ATP10B: variants seen among roughly 807,000 people sequenced by gnomAD.
ATP10B encodes ATPase phospholipid transporting 10B (putative).
Under a neutral mutation model 141.2 loss-of-function variants are expected in ATP10B, and 122 were observed. The observed-to-expected ratio is 0.86, with a 90% CI of 0.75 to 1.00. The LOEUF (loss-of-function observed/expected upper bound fraction) is 1.00, where lower values mean the gene tolerates loss of function less well. Among genes scored for constraint, ATP10B ranks in the 50% least tolerant of loss-of-function variants. The probability of loss-of-function intolerance (pLI) is 0.00; values close to 1 mark genes in which losing one functional copy is unlikely to be tolerated. For synonymous variants in ATP10B, 685 were observed against 692.0 expected, an observed-to-expected ratio of 0.99 and a Z score of 0.16; for missense variants, 1,876 against 1,825.3, an observed-to-expected ratio of 1.03 and a Z score of -0.51.
intron 6 of ATP10B, 98 bp from the exon 7 acceptor site, chr5:160,670,765 C>A: frequency 9.5e-7 from 1 of 1,057,516 alleles, no homozygotes; most frequent in Non-Finnish European, 1.4e-6. Flanking sequence ...TAACTATCCA[C>A]CAAGTCAGCC....
At chr5:160,568,981 C>T (rs1293608871) in intron 25 of ATP10B, among the ~76,000 whole-genome samples, 1 of 152,156 alleles carries the variant, frequency 6.6e-6, no homozygotes, top group African/African-American at 2.4e-5. Flanking sequence ...CTGGCAATTT[C>T]ATGCACAATT....
At chr5:160,654,618 T>C (rs535804292) in intron 7 of ATP10B, among the ~76,000 whole-genome samples, 1 of 152,318 alleles carries the variant, frequency 6.6e-6, no homozygotes, top group Non-Finnish European at 1.5e-5. Flanking sequence ...GACATGCAGA[T>C]GGAGACTAAA....
rs910245952 is a variant in ATP10B at position 160,616,023 on chromosome 5, C to T, written c.2527-59G>A. The T allele has an allele frequency of 2.2e-5, 34 of 1,558,722 alleles. No homozygotes were observed. In the Admixed American group the frequency reaches 2.6e-4, roughly 12 times the overall value. ...GGGTGGACCAACAAGATAATTTCCT[C>T]TCTCTTCCCACCTGCTGGGTCTCCT... On this transcript the variant is annotated intron_variant, in intron 16 of 25. Coordinates refer to ENST00000327245, the MANE Select transcript of ATP10B (RefSeq NM_025153.3).
At chr5:160,914,750 G>A in the ATP10B span, among the ~76,000 whole-genome samples, 1 of 152,186 alleles carries the variant, frequency 6.6e-6, no homozygotes, top group Admixed American at 6.5e-5. Flanking sequence ...AGGGACAGAA[G>A]TTACCAACAT....
chr5:160,632,822 C>T (rs1759038129), intron 12 of ATP10B: 1 of 153,536 alleles, frequency 6.5e-6, no homozygotes, highest in African/African-American at 2.4e-5. Flanking sequence ...AATACTCTCT[C>T]CATCTTTCTC....
At chr5:160,878,628 C>T in the ATP10B span, among the ~76,000 whole-genome samples, 1 of 152,032 alleles carries the variant, frequency 6.6e-6, no homozygotes, top group Non-Finnish European at 1.5e-5. Context: ...ATTTTCACAA[C>T]CTACTCATCT....
At chr5:160,762,391 G>C (rs916558933) in intron 2 of ATP10B, among the ~76,000 whole-genome samples, 8 of 152,274 alleles carry the variant, frequency 5.3e-5, no homozygotes, top group Non-Finnish European at 8.8e-5. Context: ...AGCCAGAATG[G>C]ATTGGGGTCC....
At chr5:160,704,214 G>A (rs1326864721) in intron 3 of ATP10B, among the ~76,000 whole-genome samples, 1 of 151,396 alleles carries the variant, frequency 6.6e-6, no homozygotes, top group Non-Finnish European at 1.5e-5. Flanking sequence ...ACCATGCGTG[G>A]CTATTTTTTT....
At chr5:160,631,215 T>A (rs998801404) in intron 13 of ATP10B, among the ~76,000 whole-genome samples, 2 of 152,238 alleles carry the variant, frequency 1.3e-5, no homozygotes, top group Non-Finnish European at 2.9e-5. Flanking sequence ...TGTGGCCTCT[T>A]GTGCAAGTGC....
the ATP10B span, among the ~76,000 whole-genome samples, chr5:160,893,901 A>C: frequency 2.0e-5 from 3 of 152,208 alleles, no homozygotes; most frequent in African/African-American, 7.2e-5. Context: ...CCAGGCAAAC[A>C]GGGTCTGGAG....
At chr5:160,652,963 ATG>A (rs1265112305) in intron 7 of ATP10B, among the ~76,000 whole-genome samples, 2 of 86,598 alleles carry the variant, frequency 2.3e-5, no homozygotes, top group African/African-American at 5.7e-5. Context: ...TTATATATAC[ATG>A]TATATATAAT....
chr5:160,708,910 T>C lies in ATP10B; in HGVS notation c.-205+7999A>G, dbSNP rs184666582. On this transcript the variant is annotated intron_variant, in intron 3 of 25. Coordinates refer to ENST00000327245, the MANE Select transcript of ATP10B (RefSeq NM_025153.3). ...GAGACTGAGATTCAGACAGTGTATA[T>C]TGGCACCATGATAGCAAGCAGACAA... 2.4e-4 allele frequency among the ~76,000 whole-genome samples: 36 copies of C among 152,226 alleles called. 1 individual carries two copies. The highest frequency in any genetic ancestry group is 2.0e-3 in the Admixed American group (31 of 15,284).
chr5:160,787,105 GACACACAC>G (rs58517660), intron 1 of ATP10B, among the ~76,000 whole-genome samples: 16,491 of 133,538 alleles, frequency 0.12, 1,025 homozygotes, highest in African/African-American at 0.17. Flanking sequence ...TTTTGACACA[GACACACAC>G]ACACACACAC....
chr5:160,846,134 T>G (rs565871122), intron 1 of ATP10B, among the ~76,000 whole-genome samples: 1 of 152,252 alleles, frequency 6.6e-6, no homozygotes, highest in East Asian at 1.9e-4. Flanking sequence ...TAAACTAGTG[T>G]CAGTCCACAA....
chr5:160,858,831 CAT>C, the ATP10B span, among the ~76,000 whole-genome samples: 12 of 151,802 alleles, frequency 7.9e-5, no homozygotes, highest in African/African-American at 2.9e-4. Flanking sequence ...GTTTGAGTGA[CAT>C]ATAAAAAATT....
At chr5:160,924,308 C>T in the ATP10B span, among the ~76,000 whole-genome samples, 1 of 152,234 alleles carries the variant, frequency 6.6e-6, no homozygotes, top group African/African-American at 2.4e-5. Context: ...TTGCCACCTT[C>T]AGCTGGGTGC....
At chr5:160,707,571 T>C (rs1380682606) in intron 3 of ATP10B, among the ~76,000 whole-genome samples, 1 of 152,252 alleles carries the variant, frequency 6.6e-6, no homozygotes, top group African/African-American at 2.4e-5. Flanking sequence ...AATATGCGCA[T>C]GTTATGTTCT....
At chr5:160,784,264 T>TA (rs1770969517) in intron 2 of ATP10B, among the ~76,000 whole-genome samples, 1 of 152,064 alleles carries the variant, frequency 6.6e-6, no homozygotes. Context: ...CACAAAGCAA[T>TA]TGCCTATACT....
intron 2 of ATP10B, among the ~76,000 whole-genome samples, chr5:160,725,599 T>C (rs763293970): frequency 2.6e-5 from 4 of 152,084 alleles, no homozygotes; most frequent in East Asian, 1.9e-4. Flanking sequence ...GCGCCCGCCA[T>C]CACACCCGGC....
Sources: gnomAD v4.1 joint callset for allele counts (sites outside exome capture counted in the v4.1 genomes callset) on GRCh38, gnomAD v4.1.1 for gene constraint, MANE v1.5 for transcripts, NCBI Gene and HGNC (gene_info 2026-07-23, HGNC 2026-07-21) for gene names.